Variants in GRIK1 observed in about 807,000 individuals in gnomAD.
The protein encoded by GRIK1 is glutamate receptor ionotropic, kainate 1.
In GRIK1, 69 loss-of-function variants were observed where a neutral mutation model predicts 105.7. The ratio of observed to expected loss-of-function variants is 0.65; its 90% CI spans 0.54 to 0.80. The LOEUF (loss-of-function observed/expected upper bound fraction) is 0.80. Ranked by LOEUF, GRIK1 falls within the 30% of genes least tolerant of loss-of-function variation. GRIK1 has a pLI of 0.00. For missense variants in GRIK1, 1,109 were observed against 1,167.3 expected (o/e 0.95, Z 0.73); for synonymous variants, 438 against 431.3 (o/e 1.02, Z -0.19).
intron 16 of GRIK1, among the ~76,000 whole-genome samples, chr21:29,538,830 C>T (rs2123638287): frequency 6.6e-6 from 1 of 152,030 alleles, no homozygotes; most frequent in South Asian, 2.1e-4. Flanking sequence ...TCGTTTTGTT[C>T]CAAAAATAAC....
intron 7 of GRIK1, 81 bp downstream of exon 7, chr21:29,642,745 C>A (rs1172932941): frequency 2.4e-6 from 3 of 1,242,882 alleles, no homozygotes; most frequent in Admixed American, 1.8e-5. Context: ...GCCAGCAGAA[C>A]CCTGTGGGGA....
intron 1 of GRIK1, among the ~76,000 whole-genome samples, chr21:29,912,729 T>A (rs1044554043): frequency 1.3e-5 from 2 of 152,056 alleles, no homozygotes; most frequent in East Asian, 1.9e-4. Flanking sequence ...CAGGGTATAT[T>A]TGTTCCAGGG....
chr21:29,596,743 G>A lies in GRIK1; in HGVS notation c.1207-173C>T, dbSNP rs11910800. 1,220 of 616,008 alleles carry A rather than the reference G, an allele frequency of 2.0e-3. 9 individuals carry two copies. Among genetic ancestry groups the A allele is most frequent in the African/African-American group, 0.019 (1,033 of 54,462 alleles). 38.2% of individuals were successfully genotyped at this position (616,008 alleles called of 1,614,324 possible). On this transcript the variant is annotated intron_variant, in intron 8 of 17. Transcript: ENST00000327783. ...CTGACAATAGGTACAGCAAAGAGACGAATCAAGACTTGGGTCTCACAGAAG... is the reference window on the plus strand; with the variant it reads ...CTGACAATAGGTACAGCAAAGAGACAAATCAAGACTTGGGTCTCACAGAAG...
At chr21:29,757,022 C>G (rs1032633254) in intron 1 of GRIK1, among the ~76,000 whole-genome samples, 28 of 152,056 alleles carry the variant, frequency 1.8e-4, no homozygotes, top group Non-Finnish European at 4.1e-4. Flanking sequence ...AAGGCTGAGG[C>G]AGGAGACTTG....
In GRIK1 at chr21:29,588,887, C is replaced by A. The variant is rs1409276575; in HGVS notation, c.1521G>T (p.Gln507His). ...TCCCGTTCCACTCCCCTTTGTCATT[C>A]TGGGCCCCATATTTGCCATCGGGAA... is the stretch of plus-strand genomic sequence containing the variant. ...KLVPDGKYGA[Q>H]NDKGEWNGMV... Residue 507 changes from glutamine to histidine, a missense_variant, in exon 11 of 18, where the codon CAG becomes CAT. Gln to His is a conservative substitution (Grantham distance 24). Around this residue, in one of 5 missense-constraint regions of GRIK1, gnomAD observed 54 missense variants for 88.1 expected, o/e 0.61. Coordinates refer to ENST00000327783, the MANE Select transcript of GRIK1 (RefSeq NM_001330994.2). 6.2e-7 allele frequency: 1 copy of A among 1,610,478 alleles called. No individual in the cohort carries two copies. The highest frequency in any genetic ancestry group is 1.3e-5 in the African/African-American group (1 of 74,832).
At chr21:29,918,802 T>G (rs1359868766) in intron 1 of GRIK1, among the ~76,000 whole-genome samples, 4 of 152,042 alleles carry the variant, frequency 2.6e-5, no homozygotes, top group Non-Finnish European at 4.4e-5. Context: ...GTTGCACACT[T>G]ATGTTATCTT....
chr21:29,561,816 C>T lies in GRIK1; in HGVS notation c.2164G>A (p.Ala722Thr), dbSNP rs763390555. The T allele has an allele frequency of 6.2e-7, 1 of 1,613,476 alleles. No individual in the cohort carries two copies. The highest frequency in any genetic ancestry group is 2.2e-5 in the East Asian group (1 of 44,876). Residue 722 changes from alanine (A) to threonine (T), a missense_variant, in exon 15 of 18, where the codon GCT (alanine) becomes ACT (threonine). This residue lies in a region of GRIK1 where 264 missense variants were observed against 306.9 expected (regional missense o/e 0.86). Transcript: ENST00000327783. ...GTCTGCTGCCTGCTGCTCATGAAAG[C>T]CCACATCTTCTCATAGGTGGAGATT... ...SKISTYEKMWAFMSSRQQTAL... is the reference protein window; with the variant it reads ...SKISTYEKMWTFMSSRQQTAL...
chr21:29,926,432 A>G (rs568463035), intron 1 of GRIK1, among the ~76,000 whole-genome samples: 1 of 152,318 alleles, frequency 6.6e-6, no homozygotes, highest in South Asian at 2.1e-4. Flanking sequence ...AATTAGTTGT[A>G]TGAGAAAAAC....
chr21:29,616,170 G>T (rs1382305251), intron 7 of GRIK1, among the ~76,000 whole-genome samples: 2 of 152,178 alleles, frequency 1.3e-5, no homozygotes, highest in Non-Finnish European at 2.9e-5. Context: ...AGACTGTAGT[G>T]CTTAGAGACT....
intron 1 of GRIK1, among the ~76,000 whole-genome samples, chr21:29,849,936 G>A (rs192260078): frequency 6.6e-6 from 1 of 152,256 alleles, no homozygotes; most frequent in Admixed American, 6.5e-5. Flanking sequence ...AACAGTGGAT[G>A]GCCCCTGTTA....
chr21:29,735,738 A>G (rs1399141342), intron 1 of GRIK1, among the ~76,000 whole-genome samples: 2 of 152,054 alleles, frequency 1.3e-5, no homozygotes, highest in Non-Finnish European at 2.9e-5. Flanking sequence ...CTCTATTAAA[A>G]TTACAAAAAT....
At chr21:29,588,674 C>T (rs997429627) in intron 11 of GRIK1, among the ~76,000 whole-genome samples, 165 bp downstream of exon 11, 1 of 152,140 alleles carries the variant, frequency 6.6e-6, no homozygotes, top group Non-Finnish European at 1.5e-5. Flanking sequence ...TTTATCTTTA[C>T]TTGCCCTTCT....
intron 1 of GRIK1, among the ~76,000 whole-genome samples, chr21:29,866,553 T>G (rs1049856316): frequency 1.3e-5 from 2 of 152,194 alleles, no homozygotes; most frequent in Non-Finnish European, 2.9e-5. Context: ...TAACAATAAA[T>G]CACAGTCTGG....
intron 13 of GRIK1, among the ~76,000 whole-genome samples, chr21:29,580,134 T>C (rs1027332930): frequency 1.3e-4 from 19 of 141,298 alleles, no homozygotes; most frequent in East Asian, 6.0e-4. Flanking sequence ...TATACACACA[T>C]ATATATACAT....
chr21:29,846,287 C>T (rs1020019716), intron 1 of GRIK1, among the ~76,000 whole-genome samples: 1 of 151,130 alleles, frequency 6.6e-6, no homozygotes, highest in African/African-American at 2.4e-5. Flanking sequence ...ACTCGGGAGG[C>T]TGAGGCAGGA....
intron 4 of GRIK1, among the ~76,000 whole-genome samples, chr21:29,667,063 A>C (rs1032971115): frequency 5.3e-5 from 8 of 152,218 alleles, no homozygotes; most frequent in African/African-American, 1.9e-4. Flanking sequence ...TTCAGTATAA[A>C]ATGGCCCCTG....
chr21:29,733,799 T>C (rs1273698946), intron 1 of GRIK1, among the ~76,000 whole-genome samples: 2 of 152,124 alleles, frequency 1.3e-5, no homozygotes, highest in Non-Finnish European at 2.9e-5. Flanking sequence ...CCAGTTACCA[T>C]TTACTAACAT....
At chr21:29,736,661 T>C (rs2146920823) in intron 1 of GRIK1, among the ~76,000 whole-genome samples, 1 of 151,902 alleles carries the variant, frequency 6.6e-6, no homozygotes, top group Middle Eastern at 3.4e-3. Context: ...TCACATTTTC[T>C]TTTTCTTTTT....
At chr21:29,823,780 A>G (rs555391301) in intron 1 of GRIK1, among the ~76,000 whole-genome samples, 1 of 152,088 alleles carries the variant, frequency 6.6e-6, no homozygotes, top group African/African-American at 2.4e-5. Flanking sequence ...TTCTTGCTTA[A>G]AAATCTTTTG....
Sources: gnomAD v4.1 joint callset for allele counts (sites outside exome capture counted in the v4.1 genomes callset) on GRCh38, gnomAD v4.1.1 for gene constraint, gnomAD v4.1.1 regional missense constraint, MANE v1.5 for transcripts, NCBI Gene and HGNC (gene_info 2026-07-23, HGNC 2026-07-21) for gene names.